Variants in CPQ observed in about 807,000 individuals in gnomAD.
CPQ encodes the protein carboxypeptidase Q.
In CPQ, 37 loss-of-function variants were observed where a neutral mutation model predicts 45.7. The observed-to-expected ratio is 0.81, with a 90% confidence interval of 0.62 to 1.07. CPQ has a LOEUF of 1.07. Ranked by LOEUF, CPQ falls within the 50% of genes least tolerant of loss-of-function variation. The pLI is 0.00. For missense variants in CPQ, 537 were observed against 572.9 expected (o/e 0.94, Z 0.64); for synonymous variants, 186 against 205.8 (o/e 0.90, Z 0.82).
At chr8:97,113,099 A>G (rs1232119367) in intron 7 of CPQ, among the ~76,000 whole-genome samples, 2 of 152,188 alleles carry the variant, frequency 1.3e-5, no homozygotes, top group South Asian at 2.1e-4. Flanking sequence ...AGAGAAGCCC[A>G]TGGAGAAGAC....
intron 1 of CPQ, among the ~76,000 whole-genome samples, chr8:96,668,303 A>G (rs1163576067): frequency 1.3e-5 from 2 of 152,252 alleles, no homozygotes; most frequent in African/African-American, 4.8e-5. Flanking sequence ...TATGTCTGCA[A>G]TCAGACATTT....
Position 97,143,219 on chromosome 8 carries a change from C to T in CPQ, c.*36C>T, listed in dbSNP as rs2130636871. 2 of 1,607,230 alleles carry T rather than the reference C, an allele frequency of 1.2e-6. No homozygotes were observed. Among genetic ancestry groups the T allele is most frequent in the Admixed American group, 1.7e-5 (1 of 59,484 alleles). On this transcript the variant is annotated 3_prime_UTR_variant, in exon 8 of 8. Transcript: ENST00000220763. ...AAAGAAACGTTTTCATGCTTCTGGC[C>T]AGGAATCCTGGGTCTGCAACTTTGG...
chr8:96,752,120 C>T (rs1195818831), intron 1 of CPQ, among the ~76,000 whole-genome samples: 1 of 151,938 alleles, frequency 6.6e-6, no homozygotes, highest in Non-Finnish European at 1.5e-5. Flanking sequence ...ACTATTCAGC[C>T]TCTTTGTTCC....
At chr8:96,927,089 GA>G (rs1225165966) in intron 4 of CPQ, among the ~76,000 whole-genome samples, 1 of 152,196 alleles carries the variant, frequency 6.6e-6, no homozygotes, top group African/African-American at 2.4e-5. Context: ...TTAACGTTGT[GA>G]AATCTTTCCT....
At chr8:96,876,009 TGTTG>T (rs1358312508) in intron 3 of CPQ, among the ~76,000 whole-genome samples, 3 of 152,136 alleles carry the variant, frequency 2.0e-5, no homozygotes, top group African/African-American at 7.2e-5. Context: ...AGGTTTCACA[TGTTG>T]GTTAAATTTA....
intron 4 of CPQ, among the ~76,000 whole-genome samples, chr8:96,921,794 T>C (rs1812811171): frequency 1.3e-5 from 2 of 152,134 alleles, no homozygotes; most frequent in Non-Finnish European, 2.9e-5. Flanking sequence ...CTCAAAATAA[T>C]ATAGTAAGCA....
chr8:97,054,053 T>G (rs1274304371), intron 6 of CPQ, among the ~76,000 whole-genome samples: 2 of 152,070 alleles, frequency 1.3e-5, no homozygotes, highest in Admixed American at 6.5e-5. Context: ...CTGTTAAGTT[T>G]GAGATATCAG....
intron 1 of CPQ, among the ~76,000 whole-genome samples, chr8:96,654,906 C>T (rs774913869): frequency 6.6e-6 from 1 of 150,722 alleles, no homozygotes; most frequent in Non-Finnish European, 1.5e-5. Flanking sequence ...GCTCACTTCT[C>T]TTCCTTACTA....
At chr8:97,098,149 G>A (rs139232917) in intron 7 of CPQ, among the ~76,000 whole-genome samples, 1 of 152,264 alleles carries the variant, frequency 6.6e-6, no homozygotes, top group East Asian at 1.9e-4. Context: ...CATAAAGAAT[G>A]CAGTCTTCCC....
At chr8:96,775,147 A>G (rs1223812812) in intron 1 of CPQ, among the ~76,000 whole-genome samples, 3 of 152,102 alleles carry the variant, frequency 2.0e-5, no homozygotes, top group African/African-American at 7.2e-5. Flanking sequence ...CTCTGGCTGG[A>G]AGGTTGGCTG....
rs373158758 is a variant in CPQ, at chr8:96,922,071, T to TTTTTAAAATTGTC, written c.849+42077_849+42089dup. 5.0e-3 allele frequency among the ~76,000 whole-genome samples: 760 copies of TTTTTAAAATTGTC among 152,342 alleles called. 3 individuals carry two copies. The highest frequency in any genetic ancestry group is 0.017 in the African/African-American group (726 of 41,570). Reference sequence around the variant, plus strand: ...TTTTTCCCCGTAAGAGTAGCAATAATTTTTAAAATTGTCTTTTAAAATTAG... The same window carrying TTTTTAAAATTGTC: ...TTTTTCCCCGTAAGAGTAGCAATAATTTTTAAAATTGTCTTTTAAAATTGTCTTTTAAAATTAG... On this transcript the variant is annotated intron_variant, in intron 4 of 7. Transcript: ENST00000220763.
intron 4 of CPQ, among the ~76,000 whole-genome samples, chr8:96,883,795 T>C (rs955007274): frequency 6.6e-6 from 1 of 152,226 alleles, no homozygotes; most frequent in African/African-American, 2.4e-5. Flanking sequence ...GCCACTGTTA[T>C]GGTGTCATCT....
chr8:96,853,090 A>G (rs1222878394), intron 3 of CPQ, among the ~76,000 whole-genome samples: 1 of 152,174 alleles, frequency 6.6e-6, no homozygotes, highest in Non-Finnish European at 1.5e-5. Flanking sequence ...CTAAGCTGCA[A>G]AATATTTGAT....
chr8:96,906,916 T>C (rs1812586834), intron 4 of CPQ, among the ~76,000 whole-genome samples: 1 of 152,202 alleles, frequency 6.6e-6, no homozygotes, highest in Admixed American at 6.5e-5. Flanking sequence ...AAGTCTATTT[T>C]CTAATAAGCT....
chr8:97,123,143 TAAAATAAATA>T (rs1417813471), intron 7 of CPQ, among the ~76,000 whole-genome samples: 35 of 41,964 alleles, frequency 8.3e-4, no homozygotes, highest in African/African-American at 3.1e-3. Context: ...TAAAATAAAA[TAAAATAAATA>T]AAATAAAATA....
intron 4 of CPQ, among the ~76,000 whole-genome samples, chr8:96,965,291 A>C (rs1447324145): frequency 2.0e-5 from 3 of 152,032 alleles, no homozygotes; most frequent in African/African-American, 7.2e-5. Flanking sequence ...TGAAGTTTCA[A>C]GCTTCATTTT....
intron 7 of CPQ, among the ~76,000 whole-genome samples, chr8:97,128,241 A>T (rs1173833756): frequency 6.6e-6 from 1 of 152,150 alleles, no homozygotes; most frequent in Non-Finnish European, 1.5e-5. Context: ...TTTTGATCTG[A>T]TTGGGCATCA....
chr8:96,727,868 T>C (rs1326775624), intron 1 of CPQ, among the ~76,000 whole-genome samples: 42 of 152,198 alleles, frequency 2.8e-4, no homozygotes, highest in Admixed American at 2.7e-3. Context: ...GTTATCTAGA[T>C]TTTTAACTGA....
intron 3 of CPQ, among the ~76,000 whole-genome samples, chr8:96,846,444 C>T (rs935797103): frequency 6.6e-6 from 1 of 152,086 alleles, no homozygotes; most frequent in African/African-American, 2.4e-5. Context: ...TCTTTTGTGT[C>T]ATAGAGTCTT....
Sources: allele counts gnomAD v4.1 joint callset (sites outside exome capture counted in the v4.1 genomes callset), GRCh38; gene constraint gnomAD v4.1.1; transcripts MANE v1.5; gene names NCBI Gene and HGNC (gene_info 2026-07-23, HGNC 2026-07-21).